The following ATP8A2 variants were observed in gnomAD, a reference collection of about 807,000 sequenced individuals.
ATP8A2 encodes phospholipid-transporting ATPase IB.
Under a neutral mutation model 165.6 loss-of-function variants are expected in ATP8A2, and 100 were observed. That is an observed-to-expected ratio of 0.60 (90% CI 0.51 to 0.71). ATP8A2 has a LOEUF of 0.71. ATP8A2 is among the 30% of genes least tolerant of loss of function. The pLI is 0.00. For missense variants in ATP8A2, 1,227 were observed against 1,479.5 expected, an observed-to-expected ratio of 0.83 and a Z score of 2.80; for synonymous variants, 543 against 548.8, an observed-to-expected ratio of 0.99 and a Z score of 0.15.
intron 24 of ATP8A2, among the ~76,000 whole-genome samples, chr13:25,628,432 CACTTACGTTTTCAT>C (rs1300010303): frequency 6.6e-6 from 1 of 152,188 alleles, no homozygotes; most frequent in Non-Finnish European, 1.5e-5. Flanking sequence ...CCTGTAAATG[CACTTACGTTTTCAT>C]ACTTCCTTGC....
intron 2 of ATP8A2, among the ~76,000 whole-genome samples, chr13:25,470,209 A>C (rs1374897545): frequency 6.6e-6 from 1 of 152,192 alleles, no homozygotes; most frequent in Non-Finnish European, 1.5e-5. Context: ...TATTATATGG[A>C]GGTGGAATTT....
Position 25,968,665 on chromosome 13 carries a change from T to G in ATP8A2, c.3363T>G (p.Asp1121Glu). The G allele has an allele frequency of 3.1e-6, 5 of 1,613,386 alleles. No individual in the cohort carries two copies. The highest frequency in any genetic ancestry group is 4.2e-6 in the Non-Finnish European group (5 of 1,179,844). The change falls in exon 35 of 37, where the codon GAT (aspartate) becomes GAG (glutamate). Residue 1121 changes from aspartate (D) to glutamate (E), a missense_variant. Physicochemically the swap from Asp to Glu is conservative, Grantham distance 45. This residue lies in a region of ATP8A2 where 260 missense variants were observed against 245.1 expected (regional missense o/e 1.06). Transcript: ENST00000381655. ...TCCTGGGAAAAGCGGTGCTGCGGGATAGCAATGGAAAGAGGTGGGGAACTC... is the reference window on the plus strand; with the variant it reads ...TCCTGGGAAAAGCGGTGCTGCGGGAGAGCAATGGAAAGAGGTGGGGAACTC... ...SRVLGKAVLR[D>E]SNGKRLNERD...
In ATP8A2 at chr13:25,555,020, C is replaced by T; in HGVS notation, c.1215C>T (p.Asp405=). 1 of 1,612,330 alleles carries T rather than the reference C, an allele frequency of 6.2e-7. No individual in the cohort carries two copies. The highest frequency in any genetic ancestry group is 2.2e-5 in the East Asian group (1 of 44,852). The part of the protein sequence containing the change: ...WDTDMYYIGN[D]TPAMARTSNL... ...CAGATATGTATTATATAGGAAATGACACTCCTGCCATGGCCAGGACATCAA... is the reference window on the plus strand; with the variant it reads ...CAGATATGTATTATATAGGAAATGATACTCCTGCCATGGCCAGGACATCAA... Residue 405 remains aspartate, a synonymous_variant, in exon 13 of 37, where the codon GAC becomes GAT. Transcript: ENST00000381655.
At chr13:25,744,887 T>C (rs2043995598) in intron 25 of ATP8A2, among the ~76,000 whole-genome samples, 1 of 152,130 alleles carries the variant, frequency 6.6e-6, no homozygotes, top group African/African-American at 2.4e-5. Context: ...TGACATGACT[T>C]GGGGAGTACA....
intron 33 of ATP8A2, among the ~76,000 whole-genome samples, chr13:25,942,947 T>C (rs1955110692): frequency 6.6e-6 from 1 of 152,154 alleles, no homozygotes; most frequent in South Asian, 2.1e-4. Flanking sequence ...CTCCCTCCCC[T>C]GTCCATGGAC....
At chr13:25,686,297 G>A (rs183223603) in intron 24 of ATP8A2, among the ~76,000 whole-genome samples, 114 of 152,330 alleles carry the variant, frequency 7.5e-4, no homozygotes, top group Admixed American at 2.1e-3. Flanking sequence ...TCACGGGCCT[G>A]AGGGGCAGGA....
intron 24 of ATP8A2, among the ~76,000 whole-genome samples, chr13:25,593,509 C>T (rs1180001262): frequency 6.6e-6 from 1 of 152,084 alleles, no homozygotes; most frequent in Non-Finnish European, 1.5e-5. Flanking sequence ...GTGTGCACCC[C>T]AGGGGGACAC....
intron 11 of ATP8A2, among the ~76,000 whole-genome samples, chr13:25,552,435 G>A (rs992854116): frequency 6.6e-6 from 1 of 151,922 alleles, no homozygotes; most frequent in Non-Finnish European, 1.5e-5. Context: ...TATTACATCT[G>A]TATATAAGTT....
intron 30 of ATP8A2, among the ~76,000 whole-genome samples, chr13:25,845,585 A>G (rs1431223436): frequency 6.6e-6 from 1 of 152,108 alleles, no homozygotes; most frequent in Non-Finnish European, 1.5e-5. Context: ...GGAGAAGTCT[A>G]TTTTATAATT....
chr13:25,645,499 T>C (rs2041649172), intron 24 of ATP8A2, among the ~76,000 whole-genome samples: 1 of 152,206 alleles, frequency 6.6e-6, no homozygotes, highest in Non-Finnish European at 1.5e-5. Context: ...TGAGGCATAA[T>C]ATTAAGTTGT....
At chr13:25,931,065 G>A (rs1954758304) in intron 33 of ATP8A2, among the ~76,000 whole-genome samples, 1 of 152,188 alleles carries the variant, frequency 6.6e-6, no homozygotes, top group African/African-American at 2.4e-5. Flanking sequence ...AGTACAGGGT[G>A]AGCCTCCCTA....
intron 25 of ATP8A2, among the ~76,000 whole-genome samples, chr13:25,727,011 G>T (rs548882589): frequency 6.6e-6 from 1 of 152,130 alleles, no homozygotes; most frequent in Non-Finnish European, 1.5e-5. Flanking sequence ...TTGATTTTCC[G>T]TGTAGTACCT....
intron 1 of ATP8A2, among the ~76,000 whole-genome samples, chr13:25,438,420 G>T (rs984271110): frequency 1.3e-5 from 2 of 152,096 alleles, no homozygotes; most frequent in African/African-American, 4.8e-5. Context: ...AAGGAGGGAG[G>T]ATTGCTTGAG....
chr13:25,673,677 C>T (rs1280931578), intron 24 of ATP8A2, among the ~76,000 whole-genome samples: 2 of 152,118 alleles, frequency 1.3e-5, no homozygotes, highest in African/African-American at 4.8e-5. Flanking sequence ...ATATATCCCA[C>T]CCAAACAGCT....
chr13:25,862,296 T>G lies in ATP8A2; in HGVS notation c.3076-5T>G. 6.2e-7 allele frequency: 1 copy of G among 1,612,436 alleles called. No homozygotes were observed. The highest frequency in any genetic ancestry group is 8.5e-7 in the Non-Finnish European group (1 of 1,178,544). ...GCCTGTCTGAGTGTCTATTTCCCTC[T>G]GCAGTTCAGTCATCTGGCTGTCTGG... On this transcript the variant is annotated splice_polypyrimidine_tract_variant and splice_region_variant and intron_variant, in intron 32 of 36. Coordinates refer to ENST00000381655, the MANE Select transcript of ATP8A2 (RefSeq NM_016529.6).
rs749011287 is a variant in ATP8A2 at position 25,774,956 on chromosome 13, T to C, written c.2676T>C (p.Ile892=). ...ATAAGAACGTGGTCCTGTATATTATTGAGGTAAGAAGGGGTATTTTTTTTC... is the reference window on the plus strand; with the variant it reads ...ATAAGAACGTGGTCCTGTATATTATCGAGGTAAGAAGGGGTATTTTTTTTC... The part of the protein sequence containing the change: ...CFYKNVVLYI[I]ELWFAFVNGF... The change falls in exon 27 of 37, where the codon ATT becomes ATC. Residue 892 remains isoleucine (I), a synonymous_variant. Transcript: ENST00000381655. 1 of 1,582,806 alleles carries C rather than the reference T, an allele frequency of 6.3e-7. No homozygotes were observed. Among genetic ancestry groups the C allele is most frequent in the South Asian group, 1.1e-5 (1 of 89,288 alleles).
intron 16 of ATP8A2, among the ~76,000 whole-genome samples, chr13:25,569,557 G>A (rs1157616530): frequency 3.9e-5 from 6 of 152,294 alleles, no homozygotes; most frequent in African/African-American, 1.4e-4. Context: ...GGACAAGGAA[G>A]CTTGCTTATC....
intron 2 of ATP8A2, among the ~76,000 whole-genome samples, chr13:25,499,922 G>T (rs1050231052): frequency 2.0e-5 from 3 of 152,154 alleles, no homozygotes; most frequent in Non-Finnish European, 4.4e-5. Flanking sequence ...GGGAGGTAGA[G>T]CAGGGTGGGA....
chr13:25,572,738 C>G (rs891045308), intron 18 of ATP8A2, among the ~76,000 whole-genome samples: 2 of 152,114 alleles, frequency 1.3e-5, no homozygotes, highest in Admixed American at 6.5e-5. Context: ...CTTGCCTTTC[C>G]CTACTCCTCC....
Sources: allele counts gnomAD v4.1 joint callset (sites outside exome capture counted in the v4.1 genomes callset), GRCh38; gene constraint gnomAD v4.1.1; regional missense constraint gnomAD v4.1.1; transcripts MANE v1.5; gene names NCBI Gene and HGNC (gene_info 2026-07-23, HGNC 2026-07-21).